Variants in SEC16A observed in about 807,000 individuals in gnomAD.
The protein encoded by SEC16A is SEC16 homolog A, endoplasmic reticulum export factor.
A neutral mutation model predicts 221.9 loss-of-function variants in SEC16A; 110 were observed. That is an observed-to-expected ratio of 0.50 (90% CI 0.42 to 0.58). The LOEUF is 0.58. SEC16A is among the 20% of genes least tolerant of loss of function. SEC16A has a pLI of 0.00. For missense variants in SEC16A, 3,165 were observed against 3,097.8 expected (o/e 1.02, Z -0.52); for synonymous variants, 1,393 against 1,257.7 (o/e 1.11, Z -2.28).
chr9:136,477,689 A>T lies in SEC16A; in HGVS notation c.-69-5T>A. On this transcript the variant is annotated splice_polypyrimidine_tract_variant and splice_region_variant and intron_variant, in intron 2 of 31. Coordinates refer to ENST00000684901, the MANE Select transcript of SEC16A (RefSeq NM_014866.2). Reference sequence around the variant, plus strand: ...ATAGCTGTTCCTTAATTGGAGCTGGAAAAGAAAAAGAGAAAATCAGCATAA... The same window carrying T: ...ATAGCTGTTCCTTAATTGGAGCTGGTAAAGAAAAAGAGAAAATCAGCATAA... 2 of 1,455,944 alleles carry T rather than the reference A, an allele frequency of 1.4e-6. No homozygotes were observed. The highest frequency in any genetic ancestry group is 4.9e-5 in the East Asian group (2 of 40,666). The allele number at this position is 1,455,944 out of a possible 1,614,324, so 90.2% of individuals were successfully genotyped here.
rs776247459 is a variant in SEC16A at position 136,475,195 on chromosome 9, C to T, written c.2421G>A (p.Ala807=). Residue 807 remains alanine, a synonymous_variant, in exon 3 of 32, where the codon GCG becomes GCA. Coordinates refer to ENST00000684901, the MANE Select transcript of SEC16A (RefSeq NM_014866.2). The surrounding 1 kb of genome is among the most constrained non-coding windows in gnomAD (Gnocchi z 5.0). Reference sequence around the variant, plus strand: ...ATAATAAACTTGCATAACCAGAACTCGCCTGGGACTGAAGGGCCTCCTCCT... The same window carrying T: ...ATAATAAACTTGCATAACCAGAACTTGCCTGGGACTGAAGGGCCTCCTCCT... ...MGEEEALQSQ[A]SSGYASLLSS... is the part of the protein sequence containing the mutation. 9 of 1,613,770 alleles carry T rather than the reference C, an allele frequency of 5.6e-6. No homozygotes were observed. The highest frequency in any genetic ancestry group is 3.3e-5 in the Admixed American group (2 of 60,002).
intron 12 of SEC16A, among the ~76,000 whole-genome samples, chr9:136,461,599 G>T (rs1839488956): frequency 1.3e-5 from 2 of 152,158 alleles, no homozygotes; most frequent in South Asian, 2.1e-4. Context: ...AAACACGCTC[G>T]AGTCAACTCC....
chr9:136,467,974 T>G (rs998867614), intron 5 of SEC16A, among the ~76,000 whole-genome samples: 18 of 152,324 alleles, frequency 1.2e-4, no homozygotes, highest in African/African-American at 4.3e-4. Context: ...GGGTGGCCCA[T>G]GTCCACACCG....
Position 136,445,693 on chromosome 9 carries a change from A to C in SEC16A, c.6819T>G (p.Pro2273=). ...PKVLSSAASL[P]GSELPSSRPE... The stretch of plus-strand genomic sequence containing the variant: ...GCCTGGAGGAGGGGAGTTCAGAGCC[A>C]GGGAGTGACGCTGCAGAGCTTAAAA... The change falls in exon 29 of 32, where the codon CCT becomes CCG. Residue 2273 remains proline, a synonymous_variant. Coordinates refer to ENST00000684901, the MANE Select transcript of SEC16A (RefSeq NM_014866.2). The C allele has an allele frequency of 1.3e-6, 2 of 1,552,318 alleles. No individual in the cohort carries two copies. The highest frequency in any genetic ancestry group is 1.7e-6 in the Non-Finnish European group (2 of 1,148,380).
rs1351603546 is a variant in SEC16A, at chr9:136,459,205, T to C, written c.5338A>G (p.Ile1780Val). Residue 1780 changes from isoleucine to valine, a missense_variant, in exon 17 of 32, where the codon ATC (isoleucine) becomes GTC (valine). By Grantham distance (29) the Ile-to-Val change is conservative. Around this residue, in one of 3 missense-constraint regions of SEC16A, gnomAD observed 1,088 missense variants for 1,089.6 expected, o/e 1.00. Transcript: ENST00000684901. The surrounding 1 kb of genome is among the most constrained non-coding windows in gnomAD (Gnocchi z 6.1). ...PFLKFATNEA[I>V]QRTEAYEYAQ... is the part of the protein sequence containing the mutation. Reference sequence around the variant, plus strand: ...TACTCATAGGCTTCCGTCCTCTGGATTGCTTCGTTGGTTGCGAACTTTAAG... The same window carrying C: ...TACTCATAGGCTTCCGTCCTCTGGACTGCTTCGTTGGTTGCGAACTTTAAG... 2.5e-6 allele frequency: 4 copies of C among 1,613,864 alleles called. 1 individual carries two copies. Among genetic ancestry groups the C allele is most frequent in the Non-Finnish European group, 2.5e-6 (3 of 1,179,772 alleles).
chr9:136,443,511 C>T (rs577571069), intron 31 of SEC16A, among the ~76,000 whole-genome samples: 2 of 152,258 alleles, frequency 1.3e-5, no homozygotes, highest in African/African-American at 4.8e-5. Flanking sequence ...AAGGTGAGAC[C>T]GTCTCTACAA....
In SEC16A at chr9:136,454,144, C is replaced by G. The variant is rs1446257928; in HGVS notation, c.6041G>C (p.Arg2014Thr). The stretch of plus-strand genomic sequence containing the variant: ...GCTCCTGGCTTCCTGGAGCAAGTGT[C>G]TCCTTTCCTGCAGAGGTGGCACACC... ...PPGVPPLQER[R>T]HLLQEARSPD... The change falls in exon 21 of 32, where the codon AGA (arginine) becomes ACA (threonine). Residue 2014 changes from arginine to threonine, a missense_variant. Physicochemically the swap from Arg to Thr is moderately conservative, Grantham distance 71. This residue lies in a region of SEC16A where 1,088 missense variants were observed against 1,089.6 expected (regional missense o/e 1.00). Coordinates refer to ENST00000684901, the MANE Select transcript of SEC16A (RefSeq NM_014866.2). 3.9e-6 allele frequency: 6 copies of G among 1,553,972 alleles called. No individual in the cohort carries two copies. Among genetic ancestry groups the G allele is most frequent in the Non-Finnish European group, 5.2e-6 (6 of 1,148,608 alleles).
chr9:136,467,187 A>G, intron 5 of SEC16A, 104 bp from the exon 6 acceptor site: 1 of 1,341,794 alleles, frequency 7.5e-7, no homozygotes, highest in Non-Finnish European at 1.0e-6. Context: ...TGCTCCAAGG[A>G]CTCCTCGAGA....
At chr9:136,469,759 G>A (rs73670282) in intron 4 of SEC16A, among the ~76,000 whole-genome samples, 3,041 of 152,280 alleles carry the variant, frequency 0.02, 48 homozygotes, top group Middle Eastern at 0.051. Flanking sequence ...GAGACATCAC[G>A]GGAGCTGCAC....
At chr9:136,480,417 CTG>C (rs1842170864) in intron 1 of SEC16A, among the ~76,000 whole-genome samples, 1 of 152,220 alleles carries the variant, frequency 6.6e-6, no homozygotes, top group Non-Finnish European at 1.5e-5. Context: ...TTGGCTGCTG[CTG>C]TGAGAGCAAA....
At position 136,441,579 on chromosome 9, in the gene SEC16A, A is replaced by T. The variant is rs532790154; in HGVS notation, c.*176T>A. ...CAGAATCTGAAAGGATGGTGGAATT[A>T]ATTTTCAAAATAATTCATTACGATG... On this transcript the variant is annotated 3_prime_UTR_variant, in exon 32 of 32. Coordinates refer to ENST00000684901, the MANE Select transcript of SEC16A (RefSeq NM_014866.2). 3.4e-6 allele frequency: 2 copies of T among 588,352 alleles called. No individual in the cohort carries two copies. The highest frequency in any genetic ancestry group is 2.8e-5 in the Admixed American group (1 of 35,362). The allele number at this position is 588,352 out of a possible 1,614,324, so 36.4% of individuals were successfully genotyped here.
chr9:136,467,988 C>T (rs1840367135), intron 5 of SEC16A, among the ~76,000 whole-genome samples: 1 of 152,256 alleles, frequency 6.6e-6, no homozygotes, highest in Admixed American at 6.5e-5. Context: ...CACACCGCCC[C>T]AGGCAGCAGC....
In SEC16A at chr9:136,454,324, G is replaced by A. The variant is rs749120025; in HGVS notation, c.5861C>T (p.Pro1954Leu). ...CAATGGGCCGTCAGGGAGCGTCTGC[G>A]GAGCTGCATGGGAACGGTGGAGAAG... is the stretch of plus-strand genomic sequence containing the variant. Reference protein sequence around the residue: ...SPSVRLLPSAPQTLPDGPLAS... With the variant: ...SPSVRLLPSALQTLPDGPLAS... Residue 1954 changes from proline to leucine, a missense_variant, in exon 21 of 32, where the codon CCG becomes CTG. Pro to Leu is a moderately conservative substitution (Grantham distance 98). Coordinates refer to ENST00000684901, the MANE Select transcript of SEC16A (RefSeq NM_014866.2). The A allele has an allele frequency of 5.5e-5, 87 of 1,569,804 alleles. 2 individuals are homozygous for A. The South Asian group carries it at 8.3e-4, about 15-fold the overall frequency.
chr9:136,445,078 G>C lies in SEC16A; in HGVS notation c.6901C>G (p.Arg2301Gly), dbSNP rs370453872. 5.6e-6 allele frequency: 9 copies of C among 1,607,626 alleles called. 1 individual carries two copies. The South Asian group carries it at 8.9e-5, about 16-fold the overall frequency. Residue 2301 changes from arginine to glycine, a missense_variant, in exon 30 of 32, where the codon CGT (arginine) becomes GGT (glycine). Arg to Gly is a moderately radical substitution (Grantham distance 125, BLOSUM62 -2). Coordinates refer to ENST00000684901, the MANE Select transcript of SEC16A (RefSeq NM_014866.2). Reference protein sequence around the residue: ...SRCSSMSSLSREVSQHFNQAP... With the variant: ...SRCSSMSSLSGEVSQHFNQAP... ...TGATTAAAATGCTGGCTCACTTCAC[G>C]TGATAATGAACTCATTGAACTACAG...
intron 4 of SEC16A, among the ~76,000 whole-genome samples, chr9:136,470,585 A>T (rs1369312949): frequency 6.6e-6 from 1 of 152,168 alleles, no homozygotes; most frequent in African/African-American, 2.4e-5. Context: ...TTTTCTCACA[A>T]TTACAGCCTC....
chr9:136,458,444 C>T (rs1270300643), intron 17 of SEC16A, among the ~76,000 whole-genome samples: 9 of 151,544 alleles, frequency 5.9e-5, no homozygotes, highest in East Asian at 3.9e-4. Flanking sequence ...CTGGCTAACA[C>T]GGTGAAACCC....
chr9:136,470,436 C>T (rs1459778300), intron 4 of SEC16A, among the ~76,000 whole-genome samples: 2 of 152,222 alleles, frequency 1.3e-5, no homozygotes, highest in East Asian at 1.9e-4. Context: ...TCCGTGCTCT[C>T]GCCTCTCAGG....
chr9:136,444,781 A>G (rs77060356), intron 30 of SEC16A, among the ~76,000 whole-genome samples: 1,578 of 151,122 alleles, frequency 0.01, 21 homozygotes, highest in African/African-American at 0.036. Flanking sequence ...AGGAAGGCCG[A>G]GACAGGAGGA....
chr9:136,442,340 G>A (rs1836304668), intron 31 of SEC16A, among the ~76,000 whole-genome samples: 1 of 152,268 alleles, frequency 6.6e-6, no homozygotes. Context: ...CTGAAAAGCA[G>A]GTGACAGCCA....
Sources: allele counts gnomAD v4.1 joint callset (sites outside exome capture counted in the v4.1 genomes callset), GRCh38; gene constraint gnomAD v4.1.1; regional missense constraint gnomAD v4.1.1; non-coding constraint Gnocchi (gnomAD v3.1); transcripts MANE v1.5; gene names NCBI Gene and HGNC (gene_info 2026-07-23, HGNC 2026-07-21).